Variants in MSRA observed in about 807,000 individuals in gnomAD.
The protein encoded by MSRA is mitochondrial peptide methionine sulfoxide reductase.
MSRA carries 54 observed loss-of-function variants against 31.3 expected under a neutral mutation model. The observed-to-expected ratio is 1.73, with a 90% CI of 1.39 to 2.17. The LOEUF is 2.17. Ranked by LOEUF, MSRA falls within the 30% of genes most tolerant of loss-of-function variation. MSRA has a pLI of 0.00. For synonymous variants in MSRA, 169 were observed against 116.5 expected, an observed-to-expected ratio of 1.45 and a Z score of -2.90; for missense variants, 507 against 300.9, an observed-to-expected ratio of 1.69 and a Z score of -5.07.
At chr8:10,299,414 A>G (rs1800722609) in intron 3 of MSRA, among the ~76,000 whole-genome samples, 1 of 152,178 alleles carries the variant, frequency 6.6e-6, no homozygotes. Context: ...GTGGTTTTAC[A>G]ATCACATTAT....
At chr8:10,275,389 G>A (rs1799269897) in intron 3 of MSRA, among the ~76,000 whole-genome samples, 1 of 152,192 alleles carries the variant, frequency 6.6e-6, no homozygotes, top group Admixed American at 6.5e-5. Context: ...CCTTGTGTAA[G>A]GGTTCACAGT....
intron 1 of MSRA, among the ~76,000 whole-genome samples, chr8:10,130,700 A>T (rs867741669): frequency 6.6e-6 from 1 of 152,200 alleles, no homozygotes; most frequent in Admixed American, 6.5e-5. Context: ...CAGTAATAGC[A>T]CGGGGCTCTA....
At chr8:10,389,902 G>A (rs1452948581) in intron 5 of MSRA, among the ~76,000 whole-genome samples, 1 of 151,294 alleles carries the variant, frequency 6.6e-6, no homozygotes, top group Non-Finnish European at 1.5e-5. Flanking sequence ...CGCCCATGGT[G>A]CACGGAGCTG....
rs141618896 is a variant in MSRA, at chr8:10,320,176, G to C, written c.543+187G>C. The C allele has an allele frequency of 1.1e-3, 477 of 442,908 alleles. 2 individuals carry two copies. Among genetic ancestry groups the C allele is most frequent in the African/African-American group, 8.8e-3 (436 of 49,338 alleles). The allele number at this position is 442,908 out of a possible 1,614,324, so 27.4% of individuals were successfully genotyped here. A position where few individuals can be genotyped will look rare whatever the true frequency, so the allele number is the denominator to read the frequency against. On this transcript the variant is annotated intron_variant, in intron 5 of 5. Coordinates refer to ENST00000317173, the MANE Select transcript of MSRA (RefSeq NM_012331.5). ...ATACGTGTGCTAAATGAGGTTTTAA[G>C]AGTAGGCCTGGGCCAGGGCCAGTGG...
chr8:10,145,472 T>C (rs1563147730), intron 1 of MSRA, among the ~76,000 whole-genome samples: 1 of 152,192 alleles, frequency 6.6e-6, no homozygotes, highest in Non-Finnish European at 1.5e-5. Context: ...TCTGATTTTT[T>C]AGGTTGCTTG....
intron 3 of MSRA, among the ~76,000 whole-genome samples, chr8:10,271,188 G>A (rs1300036131): frequency 4.0e-5 from 6 of 151,884 alleles, no homozygotes; most frequent in African/African-American, 4.8e-5. Context: ...GAAAAGACAT[G>A]TCACTATATC....
intron 5 of MSRA, among the ~76,000 whole-genome samples, chr8:10,418,854 AACAC>A (rs1808640856): frequency 6.6e-6 from 1 of 151,098 alleles, no homozygotes; most frequent in African/African-American, 2.4e-5. Context: ...AAAAAAAAAA[AACAC>A]CAACAGGGAG....
At chr8:10,071,025 A>G (rs886777586) in intron 1 of MSRA, among the ~76,000 whole-genome samples, 11 of 152,128 alleles carry the variant, frequency 7.2e-5, no homozygotes, top group Non-Finnish European at 1.0e-4. Context: ...CAGGAGTGCA[A>G]TTGCTGGGCA....
intron 1 of MSRA, among the ~76,000 whole-genome samples, chr8:10,183,519 C>G (rs562417532): frequency 2.0e-5 from 3 of 152,256 alleles, no homozygotes; most frequent in African/African-American, 7.2e-5. Flanking sequence ...GACCAAGGGT[C>G]TGGGAGCTTG....
intron 3 of MSRA, among the ~76,000 whole-genome samples, 158 bp downstream of exon 3, chr8:10,245,381 A>G (rs1252765755): frequency 6.6e-6 from 1 of 152,214 alleles, no homozygotes; most frequent in Non-Finnish European, 1.5e-5. Flanking sequence ...TTCTCACTTT[A>G]TATGTTTAGA....
chr8:10,111,964 T>C (rs1345088993), intron 1 of MSRA, among the ~76,000 whole-genome samples: 3 of 152,218 alleles, frequency 2.0e-5, no homozygotes, highest in Non-Finnish European at 4.4e-5. Context: ...TGTTGGGTTT[T>C]TGTGGCTGCT....
intron 5 of MSRA, among the ~76,000 whole-genome samples, chr8:10,401,259 A>G (rs1323973171): frequency 2.0e-5 from 3 of 152,206 alleles, no homozygotes; most frequent in Non-Finnish European, 4.4e-5. Context: ...TTGAATAGAC[A>G]TTTCTCCAAA....
chr8:10,190,878 T>A (rs1807449096), intron 1 of MSRA, among the ~76,000 whole-genome samples: 1 of 152,156 alleles, frequency 6.6e-6, no homozygotes, highest in African/African-American at 2.4e-5. Context: ...GCCAGGGACT[T>A]AACTAAAATC....
At chr8:10,231,405 T>G (rs939311802) in intron 2 of MSRA, among the ~76,000 whole-genome samples, 3 of 152,180 alleles carry the variant, frequency 2.0e-5, no homozygotes, top group East Asian at 1.9e-4. Flanking sequence ...ACAGAAGATA[T>G]TGGCTTGGTA....
chr8:10,067,139 G>A lies in MSRA; in HGVS notation c.142+12481G>A, dbSNP rs568829236. ...AGTATCAGAACAGAATGCCTTCACT[G>A]CCTTAAAAGTCCTCTGTGCTTTACC... is the stretch of plus-strand genomic sequence containing the variant. On this transcript the variant is annotated intron_variant, in intron 1 of 5. Coordinates refer to ENST00000317173, the MANE Select transcript of MSRA (RefSeq NM_012331.5). 2.0e-5 allele frequency among the ~76,000 whole-genome samples: 3 copies of A among 152,168 alleles called. No homozygotes were observed. In the South Asian group the frequency reaches 6.2e-4, roughly 32 times the overall value.
chr8:10,169,920 T>TC lies in MSRA; in HGVS notation c.143-37913_143-37912insC, dbSNP rs562179498. 1.7e-3 allele frequency among the ~76,000 whole-genome samples: 248 copies of TC among 150,228 alleles called. 1 individual carries two copies. Among genetic ancestry groups the TC allele is most frequent in the African/African-American group, 5.3e-3 (217 of 41,156 alleles). On this transcript the variant is annotated intron_variant, in intron 1 of 5. Transcript: ENST00000317173. ...TTCCTTGGTATTTTCTTTCTTTCTT[T>TC]TTTTTTTTTTTTGAGACGGAGTTTC...
chr8:10,292,199 T>C lies in MSRA; in HGVS notation c.332-9335T>C, dbSNP rs553065498. Among the ~76,000 whole-genome samples, 7 of 152,298 alleles carry C rather than the reference T, an allele frequency of 4.6e-5. No homozygotes were observed. The East Asian group carries it at 1.4e-3, about 29-fold the overall frequency. On this transcript the variant is annotated intron_variant, in intron 3 of 5. Transcript: ENST00000317173. ...AGTCCAGTGTGCATGTGGGATTCCA[T>C]CTAGGGACTGGTCATTGGCAGGTGA...
chr8:10,384,016 C>A (rs962871178), intron 5 of MSRA, among the ~76,000 whole-genome samples: 1 of 152,154 alleles, frequency 6.6e-6, no homozygotes, highest in Non-Finnish European at 1.5e-5. Context: ...CTGAGAGTCA[C>A]CCCGAAATCC....
At chr8:10,143,834 C>T (rs1563145761) in intron 1 of MSRA, among the ~76,000 whole-genome samples, 2 of 152,226 alleles carry the variant, frequency 1.3e-5, no homozygotes, top group African/African-American at 4.8e-5. Context: ...TGACCTCTAA[C>T]TCTTCCTCAA....
Sources: allele counts gnomAD v4.1 joint callset (sites outside exome capture counted in the v4.1 genomes callset), GRCh38; gene constraint gnomAD v4.1.1; transcripts MANE v1.5; gene names NCBI Gene and HGNC (gene_info 2026-07-23, HGNC 2026-07-21).